LRRC56: variants seen among roughly 807,000 people sequenced by gnomAD.
LRRC56 encodes the protein leucine-rich repeat-containing protein 56.
Under a neutral mutation model 47.8 loss-of-function variants are expected in LRRC56, and 41 were observed. That is an observed-to-expected ratio of 0.86 (90% CI 0.67 to 1.11). LRRC56 has a LOEUF of 1.11. Ranked by LOEUF, LRRC56 falls within the 50% of genes most tolerant of loss-of-function variation. The pLI, the probability that LRRC56 is intolerant of heterozygous loss-of-function variation, is 0.00. For missense variants in LRRC56, 759 were observed against 704.2 expected, an observed-to-expected ratio of 1.08 and a Z score of -0.88; for synonymous variants, 387 against 311.2, an observed-to-expected ratio of 1.24 and a Z score of -2.56.
At chr11:553,940 C>T (rs750553880) in intron 13 of LRRC56, 23 bp from the exon 14 acceptor site, 12 of 1,603,232 alleles carry the variant, frequency 7.5e-6, no homozygotes, top group Middle Eastern at 1.7e-4. Flanking sequence ...TTCTGACGTC[C>T]CATCACTCTG....
At chr11:547,599 G>A (rs888269767) in intron 6 of LRRC56, among the ~76,000 whole-genome samples, 6 of 151,784 alleles carry the variant, frequency 4.0e-5, no homozygotes, top group African/African-American at 9.7e-5. Context: ...TGATCTGCCC[G>A]CCTCGGCCTC....
the LRRC56 span, among the ~76,000 whole-genome samples, chr11:527,072 C>T: frequency 2.0e-5 from 3 of 152,188 alleles, no homozygotes; most frequent in South Asian, 2.1e-4. Context: ...GAGGCCGAGG[C>T]GGGCAGATCA....
At chr11:511,760 C>T in the LRRC56 span, among the ~76,000 whole-genome samples, 439 of 152,236 alleles carry the variant, frequency 2.9e-3, 5 homozygotes, top group East Asian at 7.3e-3. Context: ...CCCTCCTGCA[C>T]GGAGATGCTG....
upstream of LRRC56, chr11:534,155 G>A (rs1851308373): frequency 7.1e-7 from 1 of 1,399,704 alleles, no homozygotes; most frequent in East Asian, 2.3e-5. Flanking sequence ...TATCCTGGCT[G>A]TGTCCTGGGC....
At position 546,351 on chromosome 11, in the gene LRRC56, G is replaced by A. The variant is rs755322855; in HGVS notation, c.326+1571G>A. On this transcript the variant is annotated intron_variant, in intron 6 of 13. Coordinates refer to ENST00000270115, the MANE Select transcript of LRRC56 (RefSeq NM_198075.4). ...TGGGAGGCCAAGGTAGGCAGATCAC[G>A]AGGTCAGGAGATTGAGACCATACTG... Among the ~76,000 whole-genome samples the A allele has an allele frequency of 2.4e-4, 36 of 152,208 alleles. No homozygotes were observed. The Middle Eastern group carries it at 0.01, about 43-fold the overall frequency.
At chr11:535,857 G>A (rs1291241240), upstream of LRRC56, among the ~76,000 whole-genome samples, 2 of 152,110 alleles carry the variant, frequency 1.3e-5, no homozygotes, top group African/African-American at 4.8e-5. Flanking sequence ...AGGGCCCCGG[G>A]CTCTCCCGGG....
At chr11:509,167 T>G in the LRRC56 span, among the ~76,000 whole-genome samples, 1 of 152,088 alleles carries the variant, frequency 6.6e-6, no homozygotes, top group Non-Finnish European at 1.5e-5. Context: ...CCTGCACACG[T>G]GAGCTTGGTG....
At chr11:526,631 C>A in the LRRC56 span, among the ~76,000 whole-genome samples, 1 of 152,192 alleles carries the variant, frequency 6.6e-6, no homozygotes, top group Non-Finnish European at 1.5e-5. Flanking sequence ...TGTGCTACAT[C>A]CCTACAAAGA....
the LRRC56 span, among the ~76,000 whole-genome samples, chr11:509,996 C>CCT: frequency 6.6e-6 from 1 of 151,652 alleles, no homozygotes; most frequent in South Asian, 2.1e-4. Flanking sequence ...CTCATTTCCC[C>CCT]GGGTCCTGGC....
At chr11:508,617 A>C in the LRRC56 span, among the ~76,000 whole-genome samples, 1 of 150,174 alleles carries the variant, frequency 6.7e-6, no homozygotes, top group African/African-American at 2.5e-5. Context: ...AAATACAAAA[A>C]TTAGCCAGGC....
intron 6 of LRRC56, among the ~76,000 whole-genome samples, chr11:546,372 TACTG>T (rs1316296814): frequency 6.6e-6 from 1 of 151,180 alleles, no homozygotes; most frequent in East Asian, 2.0e-4. Flanking sequence ...ATTGAGACCA[TACTG>T]ACTAACATGG....
intron 8 of LRRC56, among the ~76,000 whole-genome samples, chr11:550,572 G>A (rs1264989937): frequency 2.0e-5 from 3 of 152,134 alleles, no homozygotes; most frequent in African/African-American, 4.8e-5. Context: ...ACGTGTACAC[G>A]GATGTGTGCA....
In LRRC56 at chr11:548,080, C is replaced by T. The variant is rs188816706; in HGVS notation, c.327-1822C>T. Among the ~76,000 whole-genome samples the T allele has an allele frequency of 8.6e-3, 1,301 of 151,852 alleles. 9 individuals carry two copies. The highest frequency in any genetic ancestry group is 0.012 in the Non-Finnish European group (835 of 67,956). ...GGCAGAGGTTGCAGTGAGCCAAGAT[C>T]GTGCCACTGCACTCCAGCCTGAGTG... On this transcript the variant is annotated intron_variant, in intron 6 of 13. Coordinates refer to ENST00000270115, the MANE Select transcript of LRRC56 (RefSeq NM_198075.4).
chr11:554,232 C>T lies in LRRC56; in HGVS notation c.1585C>T (p.Pro529Ser). The T allele has an allele frequency of 6.6e-7, 1 of 1,515,080 alleles. No homozygotes were observed. Among genetic ancestry groups the T allele is most frequent in the Non-Finnish European group, 8.8e-7 (1 of 1,134,500 alleles). 93.9% of individuals were successfully genotyped at this position (1,515,080 alleles called of 1,614,324 possible). Residue 529 changes from proline (P) to serine (S), a missense_variant, in exon 14 of 14, where the codon CCC (proline) becomes TCC (serine). Coordinates refer to ENST00000270115, the MANE Select transcript of LRRC56 (RefSeq NM_198075.4). ...KPAPDAAARP[P>S]RAAELSHPSP... Reference sequence around the variant, plus strand: ...AGCACCAGATGCAGCAGCTAGACCTCCCAGGGCAGCTGAACTCTCTCACCC... The same window carrying T: ...AGCACCAGATGCAGCAGCTAGACCTTCCAGGGCAGCTGAACTCTCTCACCC...
At chr11:518,906 G>GGGC in the LRRC56 span, among the ~76,000 whole-genome samples, 1 of 151,950 alleles carries the variant, frequency 6.6e-6, no homozygotes, top group African/African-American at 2.4e-5. Flanking sequence ...CCGGGGCGGG[G>GGGC]GGGCGTGTCT....
chr11:534,218 A>G, upstream of LRRC56: 1 of 1,611,108 alleles, frequency 6.2e-7, no homozygotes, highest in Non-Finnish European at 8.5e-7. Flanking sequence ...TCACCTCTAT[A>G]GTGGGGTCGT....
At chr11:522,895 T>A in the LRRC56 span, among the ~76,000 whole-genome samples, 1 of 151,984 alleles carries the variant, frequency 6.6e-6, no homozygotes, top group Admixed American at 6.6e-5. Flanking sequence ...ATTACAGGCA[T>A]GTGCTTCCAC....
chr11:552,492 G>A, intron 12 of LRRC56, 77 bp from the exon 13 acceptor site: 1 of 1,370,992 alleles, frequency 7.3e-7, no homozygotes, highest in Non-Finnish European at 1.0e-6. Context: ...CCAGTCCCAA[G>A]GCTCATGGAC....
Position 550,156 on chromosome 11 carries a change from A to G in LRRC56, c.508A>G (p.Asn170Asp), listed in dbSNP as rs1382459250. The change falls in exon 8 of 14, where the codon AAC (asparagine) becomes GAC (aspartate). Residue 170 changes from asparagine to aspartate, a missense_variant. Physicochemically the swap from Asn to Asp is conservative, Grantham distance 23 (BLOSUM62 1). Transcript: ENST00000270115. ...ATTGGAGGTGCTGGACCTGGAGGGC[A>G]ACAGCGTGGAGGACCTGGGGCAGGT... ...EQLEVLDLEG[N>D]SVEDLGQVRY... 1 of 1,613,370 alleles carries G rather than the reference A, an allele frequency of 6.2e-7. No individual in the cohort carries two copies. The highest frequency in any genetic ancestry group is 1.1e-5 in the South Asian group (1 of 91,070).
Sources: allele counts gnomAD v4.1 joint callset (sites outside exome capture counted in the v4.1 genomes callset), GRCh38; gene constraint gnomAD v4.1.1; transcripts MANE v1.5; gene names NCBI Gene and HGNC (gene_info 2026-07-23, HGNC 2026-07-21).